Variants in METAP1 observed in about 807,000 individuals in gnomAD.
METAP1 encodes methionine aminopeptidase 1.
METAP1 carries 28 observed loss-of-function variants against 53.8 expected under a neutral mutation model. That is an observed-to-expected ratio of 0.52 (90% CI 0.39 to 0.71). The LOEUF (loss-of-function observed/expected upper bound fraction) is 0.71. Ranked by LOEUF, METAP1 falls within the 30% of genes least tolerant of loss-of-function variation. The pLI is 0.00. For missense variants in METAP1, 389 were observed against 479.8 expected (o/e 0.81, Z 1.77); for synonymous variants, 181 against 165.7 (o/e 1.09, Z -0.71).
chr4:99,021,410 A>C (rs1174042887), intron 1 of METAP1, among the ~76,000 whole-genome samples: 1 of 152,146 alleles, frequency 6.6e-6, no homozygotes, highest in Non-Finnish European at 1.5e-5. Flanking sequence ...AGCCCTGGCT[A>C]TCTCCCTGGG....
rs1427376080 is a variant in METAP1, at chr4:99,061,576, T to C, written c.*259T>C. On this transcript the variant is annotated 3_prime_UTR_variant, in exon 11 of 11. Coordinates refer to ENST00000296411, the MANE Select transcript of METAP1 (RefSeq NM_015143.3). Reference sequence around the variant, plus strand: ...TTCTCATTTGCCCTTTGAGCACTTTTACTTAAACTTGCTTGTAGTTGCTTT... The same window carrying C: ...TTCTCATTTGCCCTTTGAGCACTTTCACTTAAACTTGCTTGTAGTTGCTTT... 5 of 308,046 alleles carry C rather than the reference T, an allele frequency of 1.6e-5. No homozygotes were observed. The highest frequency in any genetic ancestry group is 2.9e-5 in the Non-Finnish European group (5 of 169,826). 19.1% of individuals were successfully genotyped at this position (308,046 alleles called of 1,614,324 possible).
chr4:99,041,070 G>A lies in METAP1; in HGVS notation c.460G>A (p.Ala154Thr), dbSNP rs779983702. 14 of 1,608,848 alleles carry A rather than the reference G, an allele frequency of 8.7e-6. No individual in the cohort carries two copies. Among genetic ancestry groups the A allele is most frequent in the Non-Finnish European group, 1.2e-5 (14 of 1,176,850 alleles). The change falls in exon 6 of 11, where the codon GCC (alanine) becomes ACC (threonine). Residue 154 changes from alanine to threonine, a missense_variant. Transcript: ENST00000296411. ...RLAREVLDVA[A>T]GMIKPGVTTE... is the part of the protein sequence containing the mutation. ...TGCTAGAGAAGTTTTGGATGTTGCT[G>A]CCGGCATGATTAAACCAGGTGTAAC...
At chr4:99,029,547 C>CA (rs1724840530) in intron 2 of METAP1, among the ~76,000 whole-genome samples, 2 of 152,156 alleles carry the variant, frequency 1.3e-5, no homozygotes, top group Admixed American at 1.3e-4. Context: ...TGGTTTAAGA[C>CA]AACCTGTCAC....
intron 2 of METAP1, among the ~76,000 whole-genome samples, chr4:99,029,134 A>G (rs1165592452): frequency 2.0e-5 from 3 of 152,182 alleles, no homozygotes; most frequent in Admixed American, 6.5e-5. Context: ...ACATGAAAAC[A>G]TGAGATAGTT....
intron 1 of METAP1, among the ~76,000 whole-genome samples, chr4:99,024,055 C>T (rs1025017806): frequency 1.3e-5 from 2 of 152,174 alleles, no homozygotes; most frequent in Non-Finnish European, 2.9e-5. Context: ...GCCCACAGCC[C>T]GGCGCCACGC....
intron 2 of METAP1, among the ~76,000 whole-genome samples, chr4:99,031,101 G>GTTTTTTTTTTT (rs56082818): frequency 2.2e-4 from 24 of 109,906 alleles, no homozygotes; most frequent in Admixed American, 2.9e-4. Flanking sequence ...CTCAAAGGTA[G>GTTTTTTTTTTT]TTTTTTTTTT....
At chr4:99,060,690 AT>A (rs1157609632) in intron 10 of METAP1, among the ~76,000 whole-genome samples, 1 of 152,062 alleles carries the variant, frequency 6.6e-6, no homozygotes, top group African/African-American at 2.4e-5. Context: ...TGACTGGCTT[AT>A]TTCACTTAGC....
rs1469919302 is a variant in METAP1 at position 99,043,545 on chromosome 4, CTT to C, written c.655+159_655+160del. Among the ~76,000 whole-genome samples, 6 of 152,316 alleles carry C rather than the reference CTT, an allele frequency of 3.9e-5. No homozygotes were observed. In the East Asian group the frequency reaches 1.2e-3, roughly 29 times the overall value. On this transcript the variant is annotated intron_variant, in intron 7 of 10. Coordinates refer to ENST00000296411, the MANE Select transcript of METAP1 (RefSeq NM_015143.3). ...AACTCTTAAATCTACAGGAAGCTCT[CTT>C]AACGGTTTTGTGCATGTTGCTTTTA...
At chr4:99,053,341 C>A (rs1322916876) in intron 9 of METAP1, among the ~76,000 whole-genome samples, 1 of 152,218 alleles carries the variant, frequency 6.6e-6, no homozygotes, top group Non-Finnish European at 1.5e-5. Flanking sequence ...CCTCCACCTC[C>A]TGGGCTCAGG....
intron 10 of METAP1, among the ~76,000 whole-genome samples, chr4:99,060,464 T>A (rs111294979): frequency 6.7e-6 from 1 of 149,174 alleles, no homozygotes; most frequent in South Asian, 2.2e-4. Context: ...CCCAGGTTCA[T>A]GCCATTCTTC....
chr4:99,054,666 T>G (rs1726968931), intron 9 of METAP1, among the ~76,000 whole-genome samples: 1 of 152,234 alleles, frequency 6.6e-6, no homozygotes, highest in Non-Finnish European at 1.5e-5. Context: ...TCATTAAGTT[T>G]AATCATTTCT....
chr4:99,031,447 A>T, intron 2 of METAP1: 1 of 1,282,612 alleles, frequency 7.8e-7, no homozygotes, highest in Non-Finnish European at 1.0e-6. Context: ...AACTCTAAGT[A>T]ATACTTTTCC....
intron 1 of METAP1, among the ~76,000 whole-genome samples, chr4:99,009,327 C>T (rs945954976): frequency 6.6e-5 from 10 of 152,298 alleles, no homozygotes; most frequent in South Asian, 4.1e-4. Context: ...CTTATGAACA[C>T]GAGCGTGCAA....
intron 1 of METAP1, among the ~76,000 whole-genome samples, chr4:99,020,776 G>T (rs1048748907): frequency 6.6e-6 from 1 of 152,162 alleles, no homozygotes; most frequent in African/African-American, 2.4e-5. Context: ...CCATATTTTG[G>T]CCAGAAAACA....
chr4:99,000,024 A>G (rs1266540163), intron 1 of METAP1, among the ~76,000 whole-genome samples: 1 of 152,198 alleles, frequency 6.6e-6, no homozygotes, highest in Non-Finnish European at 1.5e-5. Flanking sequence ...TATTTTCCAA[A>G]GTGCCTTGCC....
intron 9 of METAP1, among the ~76,000 whole-genome samples, chr4:99,055,073 C>G (rs886960561): frequency 2.6e-5 from 4 of 151,416 alleles, no homozygotes; most frequent in African/African-American, 9.7e-5. Flanking sequence ...AGGGTTGCCA[C>G]AAATCTTCAA....
chr4:99,036,502 C>T (rs1560719575), intron 4 of METAP1, among the ~76,000 whole-genome samples: 1 of 152,050 alleles, frequency 6.6e-6, no homozygotes, highest in African/African-American at 2.4e-5. Context: ...AACTGCTATT[C>T]ACCTTTATGT....
In METAP1 at chr4:98,995,809, A is replaced by G. The variant is rs1447772604; in HGVS notation, c.56A>G (p.Lys19Arg). ...CETDGCSSEA[K>R]LQCPTCIKLG... ...ACAGACGGCTGCAGCAGTGAGGCCAAGCTCCAGTGTCCCACTTGCATCAAG... is the reference window on the plus strand; with the variant it reads ...ACAGACGGCTGCAGCAGTGAGGCCAGGCTCCAGTGTCCCACTTGCATCAAG... The change falls in exon 1 of 11, where the codon AAG (lysine) becomes AGG (arginine). Residue 19 changes from lysine to arginine, a missense_variant. Lys to Arg is a conservative substitution (Grantham distance 26). Transcript: ENST00000296411. The G allele has an allele frequency of 2.6e-6, 4 of 1,546,216 alleles. No homozygotes were observed. Among genetic ancestry groups the G allele is most frequent in the South Asian group, 2.4e-5 (2 of 83,844 alleles).
At position 99,061,364 on chromosome 4, in the gene METAP1, AT is replaced by A; in HGVS notation, c.*51del. 6.6e-7 allele frequency: 1 copy of A among 1,521,236 alleles called. No homozygotes were observed. The highest frequency in any genetic ancestry group is 8.9e-7 in the Non-Finnish European group (1 of 1,121,866). 94.2% of individuals were successfully genotyped at this position (1,521,236 alleles called of 1,614,324 possible). A position where few individuals can be genotyped will look rare whatever the true frequency, so the allele number is the denominator to read the frequency against. ...TCAGTACCTTCTTACTGTGCTATGC[AT>A]TTTATTGAGAGTACAGAAAGGAAGA... On this transcript the variant is annotated 3_prime_UTR_variant, in exon 11 of 11. Transcript: ENST00000296411.
Sources: gnomAD v4.1 joint callset for allele counts (sites outside exome capture counted in the v4.1 genomes callset) on GRCh38, gnomAD v4.1.1 for gene constraint, MANE v1.5 for transcripts, NCBI Gene and HGNC (gene_info 2026-07-23, HGNC 2026-07-21) for gene names.